The following ADAMTSL1 variants were observed in gnomAD, a reference collection of about 807,000 sequenced individuals.
ADAMTSL1 encodes the protein ADAMTS like 1, also known as ADAMTS-like protein 1.
ADAMTSL1 carries 126 observed loss-of-function variants against 201.8 expected under a neutral mutation model. The observed-to-expected ratio is 0.62, with a 90% CI of 0.54 to 0.72. ADAMTSL1 has a LOEUF of 0.72. Ranked by LOEUF, ADAMTSL1 falls within the 30% of genes least tolerant of loss-of-function variation. The pLI, the probability that ADAMTSL1 is intolerant of heterozygous loss-of-function variation, is 0.00. For missense variants in ADAMTSL1, 2,679 were observed against 2,277.8 expected (o/e 1.18, Z -3.59); for synonymous variants, 1,121 against 903.4 (o/e 1.24, Z -4.32).
intron 2 of ADAMTSL1, among the ~76,000 whole-genome samples, chr9:18,354,122 C>T (rs1464065785): frequency 6.7e-6 from 1 of 149,388 alleles, no homozygotes; most frequent in East Asian, 2.0e-4. Context: ...GTTCAACATA[C>T]TTTCCTTATA....
At chr9:17,916,387 A>G (rs1215462943) in intron 1 of ADAMTSL1, among the ~76,000 whole-genome samples, 1 of 152,230 alleles carries the variant, frequency 6.6e-6, no homozygotes, top group Non-Finnish European at 1.5e-5. Flanking sequence ...TCTTGTTTCT[A>G]ATAAATATTT....
chr9:18,155,957 G>T (rs1225868159), intron 1 of ADAMTSL1, among the ~76,000 whole-genome samples: 2 of 152,074 alleles, frequency 1.3e-5, no homozygotes, highest in Non-Finnish European at 2.9e-5. Flanking sequence ...CTATCAGATT[G>T]CAGTGCATCA....
chr9:18,009,546 G>C (rs1741599063), intron 1 of ADAMTSL1, among the ~76,000 whole-genome samples: 1 of 152,042 alleles, frequency 6.6e-6, no homozygotes, highest in Admixed American at 6.6e-5. Context: ...TTATGGTGAA[G>C]AACTTAGCAT....
intron 13 of ADAMTSL1, among the ~76,000 whole-genome samples, chr9:18,705,487 G>A (rs755571810): frequency 2.6e-5 from 4 of 152,190 alleles, no homozygotes; most frequent in South Asian, 2.1e-4. Flanking sequence ...ATTTTTCTAC[G>A]TTCTAGAGAA....
At chr9:18,594,988 G>A (rs1419269182) in intron 4 of ADAMTSL1, among the ~76,000 whole-genome samples, 1 of 152,106 alleles carries the variant, frequency 6.6e-6, no homozygotes. Flanking sequence ...GACTGACTAT[G>A]GTGTTCCCTG....
chr9:17,999,038 C>A (rs1819501490), intron 1 of ADAMTSL1, among the ~76,000 whole-genome samples: 1 of 151,982 alleles, frequency 6.6e-6, no homozygotes, highest in African/African-American at 2.4e-5. Context: ...AACATTCTGC[C>A]TCTTTTTTTG....
intron 1 of ADAMTSL1, among the ~76,000 whole-genome samples, chr9:18,100,658 C>A (rs1475043228): frequency 1.3e-5 from 2 of 152,052 alleles, no homozygotes; most frequent in East Asian, 3.9e-4. Flanking sequence ...AATTTTGATT[C>A]CACTCCTAGT....
intron 13 of ADAMTSL1, among the ~76,000 whole-genome samples, chr9:18,687,773 G>C (rs1232272433): frequency 6.6e-6 from 1 of 152,136 alleles, no homozygotes. Context: ...AAGATGTTTA[G>C]AAGAAAACAA....
rs538763553 is a variant in ADAMTSL1 at position 18,324,041 on chromosome 9, G to C, written c.207+160060G>C. ...CCTAAAAACTTTTGAAATGAAGAAT[G>C]AGATTAAATAGGATTTATACTACCT... On this transcript the variant is annotated intron_variant, in intron 2 of 29. Transcript: ENST00000680146. Among the ~76,000 whole-genome samples, 56 of 152,242 alleles carry C rather than the reference G, an allele frequency of 3.7e-4. 1 individual carries two copies. The South Asian group carries it at 0.011, about 31-fold the overall frequency.
At chr9:18,023,071 T>C (rs947922) in intron 1 of ADAMTSL1, among the ~76,000 whole-genome samples, 4,153 of 152,242 alleles carry the variant, frequency 0.027, 86 homozygotes, top group African/African-American at 0.064. Context: ...GAAATATTTA[T>C]AAAGTAGCTG....
rs377156495 is a variant in ADAMTSL1 at position 18,721,518 on chromosome 9, C to T, written c.1877-18C>T. 1.5e-5 allele frequency: 25 copies of T among 1,612,952 alleles called. No homozygotes were observed. Among genetic ancestry groups the T allele is most frequent in the Admixed American group, 3.3e-5 (2 of 59,926 alleles). On this transcript the variant is annotated intron_variant, in intron 14 of 28. Transcript: ENST00000380548. ...CACCCACTTTGCACTCTGGCCTGAC[C>T]GTGTGATTTGTACACAGGTGTCCAG...
chr9:17,971,793 C>A (rs1424317768), intron 1 of ADAMTSL1, among the ~76,000 whole-genome samples: 1 of 151,886 alleles, frequency 6.6e-6, no homozygotes, highest in Non-Finnish European at 1.5e-5. Flanking sequence ...TGTGACCATT[C>A]ATCAGGGGAG....
At chr9:18,446,230 T>C (rs1820186986) in intron 2 of ADAMTSL1, among the ~76,000 whole-genome samples, 1 of 152,196 alleles carries the variant, frequency 6.6e-6, no homozygotes, top group South Asian at 2.1e-4. Flanking sequence ...AAACTCTATA[T>C]ATGGGCTTAA....
chr9:18,667,568 C>G (rs910071539), intron 9 of ADAMTSL1, among the ~76,000 whole-genome samples: 4 of 152,096 alleles, frequency 2.6e-5, no homozygotes, highest in Non-Finnish European at 4.4e-5. Context: ...AATAACAATA[C>G]TTACCTCATA....
chr9:18,544,305 G>A (rs1042668474), intron 3 of ADAMTSL1, among the ~76,000 whole-genome samples: 2 of 152,094 alleles, frequency 1.3e-5, no homozygotes, highest in Non-Finnish European at 2.9e-5. Context: ...TATCACATCA[G>A]CATTAAACAT....
intron 1 of ADAMTSL1, among the ~76,000 whole-genome samples, chr9:18,482,835 T>A (rs1587339285): frequency 6.6e-6 from 1 of 152,198 alleles, no homozygotes; most frequent in African/African-American, 2.4e-5. Flanking sequence ...TTAAGTGAGA[T>A]TTGGTGGGAA....
chr9:18,111,919 A>C, intron 1 of ADAMTSL1, among the ~76,000 whole-genome samples: 1 of 152,230 alleles, frequency 6.6e-6, no homozygotes, highest in Admixed American at 6.5e-5. Context: ...AGAAATTAAT[A>C]TTTTTTTAAG....
chr9:18,750,898 AC>A (rs1208810905), intron 15 of ADAMTSL1, among the ~76,000 whole-genome samples: 1 of 152,230 alleles, frequency 6.6e-6, no homozygotes, highest in African/African-American at 2.4e-5. Context: ...AGTTTCACAC[AC>A]GAACTTTCCT....
At chr9:18,643,335 G>T in intron 7 of ADAMTSL1, among the ~76,000 whole-genome samples, 1 of 151,942 alleles carries the variant, frequency 6.6e-6, no homozygotes. Context: ...TATCAGAAGT[G>T]TGATTTGCAA....
Sources: allele counts gnomAD v4.1 joint callset (sites outside exome capture counted in the v4.1 genomes callset), GRCh38; gene constraint gnomAD v4.1.1; transcripts MANE v1.5; gene names NCBI Gene and HGNC (gene_info 2026-07-23, HGNC 2026-07-21).